The following C6orf118 variants were observed in gnomAD, a reference collection of about 807,000 sequenced individuals.
C6orf118 encodes uncharacterized protein C6orf118.
A neutral mutation model predicts 50.2 loss-of-function variants in C6orf118; 50 were observed. The ratio of observed to expected loss-of-function variants is 1.00; its 90% CI spans 0.79 to 1.26. The LOEUF is 1.26. Ranked by LOEUF, C6orf118 falls within the 50% of genes most tolerant of loss-of-function variation. C6orf118 has a pLI of 0.00. For synonymous variants in C6orf118, 239 were observed against 230.9 expected (o/e 1.03, Z -0.32); for missense variants, 641 against 578.7 (o/e 1.11, Z -1.10).
rs143689124 is a variant in C6orf118, at chr6:165,301,612, G to C, written c.710C>G (p.Thr237Ser). The C allele has an allele frequency of 2.2e-5, 36 of 1,614,010 alleles. No homozygotes were observed. The African/African-American group carries it at 4.5e-4, about 20-fold the overall frequency. ...GTGGCCCGCGGCCGCCTTGCTCCCA[G>C]TGAAGTCATTCTTCAGGAGATCTTG... ...AKQDLLKNDF[T>S]GSKAAAGHER... Residue 237 changes from threonine (T) to serine (S), a missense_variant, in exon 2 of 9, where the codon ACT becomes AGT. Thr to Ser is a moderately conservative substitution (Grantham distance 58). Transcript: ENST00000230301.
At chr6:165,299,105 C>T (rs1247677490) in intron 4 of C6orf118, among the ~76,000 whole-genome samples, 1 of 152,216 alleles carries the variant, frequency 6.6e-6, no homozygotes, top group Non-Finnish European at 1.5e-5. Flanking sequence ...GCACACCAGC[C>T]ATCACAATGC....
intron 4 of C6orf118, among the ~76,000 whole-genome samples, chr6:165,299,013 GT>G (rs1313082656): frequency 6.6e-6 from 1 of 152,160 alleles, no homozygotes; most frequent in Non-Finnish European, 1.5e-5. Context: ...CCAATCACAT[GT>G]TTAACCCGAC....
At chr6:165,296,215 G>GT (rs1366140711) in intron 5 of C6orf118, among the ~76,000 whole-genome samples, 10 of 114,438 alleles carry the variant, frequency 8.7e-5, no homozygotes, top group African/African-American at 2.7e-4. Flanking sequence ...AATGAATTCA[G>GT]TTTTTTGTTG....
Position 165,301,678 on chromosome 6 carries a change from T to C in C6orf118, c.644A>G (p.Tyr215Cys). The change falls in exon 2 of 9, where the codon TAC becomes TGC. Residue 215 changes from tyrosine to cysteine, a missense_variant. Tyr to Cys is a radical substitution (Grantham distance 194). Coordinates refer to ENST00000230301, the MANE Select transcript of C6orf118 (RefSeq NM_144980.4). ...CTTCTGGAAACGCAGGAACATCCTGTACCTGTCTGCGCTGGTGGCTCCGGC... is the reference window on the plus strand; with the variant it reads ...CTTCTGGAAACGCAGGAACATCCTGCACCTGTCTGCGCTGGTGGCTCCGGC... ...YLAGATSADRYRMFLRFQKEV... is the reference protein window; with the variant it reads ...YLAGATSADRCRMFLRFQKEV... The C allele has an allele frequency of 1.9e-6, 3 of 1,614,186 alleles. No individual in the cohort carries two copies. In the South Asian group the frequency reaches 3.3e-5, roughly 18 times the overall value.
chr6:165,293,807 CGT>C (rs1356313585), intron 5 of C6orf118, among the ~76,000 whole-genome samples: 1 of 151,932 alleles, frequency 6.6e-6, no homozygotes, highest in African/African-American at 2.4e-5. Context: ...TTTAAAAAAA[CGT>C]AGCATTTTAC....
chr6:165,302,427 T>C (rs1780593907), intron 1 of C6orf118, 131 bp from the exon 2 acceptor site: 3 of 1,186,698 alleles, frequency 2.5e-6, no homozygotes, highest in East Asian at 2.4e-5. Context: ...ACAGAGTACA[T>C]GGCCCAGCCC....
chr6:165,302,727 A>G (rs930737722), intron 1 of C6orf118, among the ~76,000 whole-genome samples: 2 of 152,150 alleles, frequency 1.3e-5, no homozygotes, highest in Non-Finnish European at 2.9e-5. Flanking sequence ...TTCTCACTTA[A>G]TGATAAACTG....
Position 165,302,107 on chromosome 6 carries a change from G to A in C6orf118, c.215C>T (p.Pro72Leu), listed in dbSNP as rs1362871415. Residue 72 changes from proline to leucine, a missense_variant, in exon 2 of 9, where the codon CCT becomes CTT. Physicochemically the swap from Pro to Leu is moderately conservative, Grantham distance 98. Coordinates refer to ENST00000230301, the MANE Select transcript of C6orf118 (RefSeq NM_144980.4). Reference sequence around the variant, plus strand: ...CCAGTGCTGTAAGATCGTCTCCGGAGGCTGGTAGAGCTTGTTGGGGTTCAG... The same window carrying A: ...CCAGTGCTGTAAGATCGTCTCCGGAAGCTGGTAGAGCTTGTTGGGGTTCAG... The part of the protein sequence containing the change: ...GHLNPNKLYQ[P>L]PETILQHWPN... The A allele has an allele frequency of 1.2e-6, 2 of 1,613,860 alleles. No individual in the cohort carries two copies. Among genetic ancestry groups the A allele is most frequent in the Admixed American group, 1.7e-5 (1 of 60,004 alleles).
intron 1 of C6orf118, among the ~76,000 whole-genome samples, chr6:165,305,298 C>A (rs1331631419): frequency 2.3e-5 from 1 of 44,336 alleles, no homozygotes; most frequent in East Asian, 5.1e-4. Flanking sequence ...GGATCCCTTC[C>A]TTACACCTTA....
intron 8 of C6orf118, among the ~76,000 whole-genome samples, chr6:165,281,137 A>G (rs1201872210): frequency 1.3e-5 from 2 of 152,226 alleles, no homozygotes; most frequent in Non-Finnish European, 2.9e-5. Flanking sequence ...TAATATATGC[A>G]TAGGAGTTTT....
rs1175300410 is a variant in C6orf118, at chr6:165,281,505, C to T, written c.1356+135G>A. On this transcript the variant is annotated intron_variant, in intron 8 of 8. Transcript: ENST00000230301. ...CTCCTGCCTCTCTTCACTGATCTTT[C>T]CTATGATCTGCTTCACATGGTTTTC... 1.3e-5 allele frequency: 18 copies of T among 1,415,792 alleles called. No individual in the cohort carries two copies. In the East Asian group the frequency reaches 5.3e-4, roughly 41 times the overall value. The allele number at this position is 1,415,792 out of a possible 1,614,324, so 87.7% of individuals were successfully genotyped here.
chr6:165,297,042 A>T (rs1351871964), intron 5 of C6orf118, among the ~76,000 whole-genome samples: 1 of 152,184 alleles, frequency 6.6e-6, no homozygotes, highest in Non-Finnish European at 1.5e-5. Context: ...CATGAAGGGT[A>T]CCCTGAGAAT....
intron 1 of C6orf118, among the ~76,000 whole-genome samples, chr6:165,306,842 A>T (rs888097184): frequency 6.6e-6 from 1 of 152,150 alleles, no homozygotes; most frequent in Non-Finnish European, 1.5e-5. Context: ...TCTGTCTGCC[A>T]CATTCTTGTA....
intron 1 of C6orf118, among the ~76,000 whole-genome samples, 159 bp downstream of exon 1, chr6:165,309,403 A>C (rs557252901): frequency 6.4e-4 from 98 of 152,352 alleles, no homozygotes; most frequent in Admixed American, 1.0e-3. Context: ...GAGGCAGCAC[A>C]ACCCCAATCC....
intron 5 of C6orf118, among the ~76,000 whole-genome samples, chr6:165,294,058 A>G (rs1054267072): frequency 2.6e-5 from 4 of 152,140 alleles, no homozygotes; most frequent in Middle Eastern, 3.4e-3. Context: ...CATCCTGGCT[A>G]ACACGGTGAA....
At position 165,302,002 on chromosome 6, in the gene C6orf118, T is replaced by C; in HGVS notation, c.320A>G (p.Glu107Gly). 1.9e-6 allele frequency: 3 copies of C among 1,613,558 alleles called. No homozygotes were observed. Among genetic ancestry groups the C allele is most frequent in the South Asian group, 2.2e-5 (2 of 91,074 alleles). Reference sequence around the variant, plus strand: ...GTGGATGGTGAAGTGGGCCAGGGCCTCCTTCATCCTCGCCACCTTCCCTGC... The same window carrying C: ...GTGGATGGTGAAGTGGGCCAGGGCCCCCTTCATCCTCGCCACCTTCCCTGC... ...PPAGKVARMK[E>G]ALAHFTIHTA... The change falls in exon 2 of 9, where the codon GAG (glutamate) becomes GGG (glycine). Residue 107 changes from glutamate to glycine, a missense_variant. Physicochemically the swap from Glu to Gly is moderately conservative, Grantham distance 98. Transcript: ENST00000230301.
chr6:165,286,834 A>C (rs1022830326), intron 7 of C6orf118, among the ~76,000 whole-genome samples: 1 of 152,200 alleles, frequency 6.6e-6, no homozygotes, highest in Non-Finnish European at 1.5e-5. Flanking sequence ...ACTGGGCAAA[A>C]GCTGGAAGCA....
chr6:165,295,426 A>G (rs1780254754), intron 5 of C6orf118, among the ~76,000 whole-genome samples: 1 of 152,116 alleles, frequency 6.6e-6, no homozygotes, highest in Admixed American at 6.5e-5. Context: ...GTTCAACTTT[A>G]TTATTACTAT....
In C6orf118 at chr6:165,309,596, C is replaced by T. The variant is rs753526331; in HGVS notation, c.-10G>A. 1.2e-6 allele frequency: 2 copies of T among 1,614,106 alleles called. No homozygotes were observed. Among genetic ancestry groups the T allele is most frequent in the South Asian group, 2.2e-5 (2 of 91,082 alleles). On this transcript the variant is annotated 5_prime_UTR_variant, in exon 1 of 9. Transcript: ENST00000230301. ...CCCGCTCCTCCGCCATCGCTTCCTT[C>T]CCTCCAGCTGCCTGGGCTGGGCTGT... is the stretch of plus-strand genomic sequence containing the variant.
Sources: gnomAD v4.1 joint callset for allele counts (sites outside exome capture counted in the v4.1 genomes callset) on GRCh38, gnomAD v4.1.1 for gene constraint, MANE v1.5 for transcripts, NCBI Gene and HGNC (gene_info 2026-07-23, HGNC 2026-07-21) for gene names.